The following AGRN variants were observed in gnomAD, a reference collection of about 807,000 sequenced individuals.
The protein encoded by AGRN is agrin proteoglycan.
In AGRN, 106 loss-of-function variants were observed where a neutral mutation model predicts 211.0. The ratio of observed to expected loss-of-function variants is 0.50; its 90% CI spans 0.43 to 0.59. The LOEUF (loss-of-function observed/expected upper bound fraction) is 0.59, where lower values mean the gene tolerates loss of function less well. AGRN is among the 20% of genes least tolerant of loss of function. The pLI is 0.00. For missense variants in AGRN, 3,040 were observed against 2,982.6 expected, an observed-to-expected ratio of 1.02 and a Z score of -0.45; for synonymous variants, 1,525 against 1,332.5, an observed-to-expected ratio of 1.14 and a Z score of -3.15.
rs113521698 is a variant in AGRN, at chr1:1,048,545, C to A, written c.4105+180C>A. Reference sequence around the variant, plus strand: ...CAGCACTTTGGGAGGCCGAGGCAGGCGGATCACCTGAGGTCGGGAGTTCGA... The same window carrying A: ...CAGCACTTTGGGAGGCCGAGGCAGGAGGATCACCTGAGGTCGGGAGTTCGA... On this transcript the variant is annotated intron_variant, in intron 23 of 35. Coordinates refer to ENST00000379370, the MANE Select transcript of AGRN (RefSeq NM_198576.4). The surrounding 1 kb of genome is among the most constrained non-coding windows in gnomAD (Gnocchi z 5.9). 12,136 of 614,318 alleles carry A rather than the reference C, an allele frequency of 0.02. 1,028 individuals carry two copies. Among genetic ancestry groups the A allele is most frequent in the African/African-American group, 0.19 (10,341 of 53,074 alleles). The allele number at this position is 614,318 out of a possible 1,614,324, so 38.1% of individuals were successfully genotyped here.
At chr1:1,039,885 G>A (rs890626837) in intron 3 of AGRN, among the ~76,000 whole-genome samples, 4 of 152,132 alleles carry the variant, frequency 2.6e-5, no homozygotes, top group Non-Finnish European at 5.9e-5. Context: ...GAAGGGCACA[G>A]GCCTGCCGCG....
At chr1:1,025,725 C>T (rs190257562) in intron 2 of AGRN, among the ~76,000 whole-genome samples, 2,051 of 152,208 alleles carry the variant, frequency 0.013, 14 homozygotes, top group Non-Finnish European at 0.022. Context: ...GGGGGTCTGC[C>T]GGGTGGGAGG....
chr1:1,038,933 GGAAGGCC>G (rs1235746701), intron 3 of AGRN, among the ~76,000 whole-genome samples: 1 of 152,178 alleles, frequency 6.6e-6, no homozygotes, highest in Non-Finnish European at 1.5e-5. Context: ...CCAGGACGGG[GGAAGGCC>G]AGTGGTGATG....
At chr1:1,034,513 C>T (rs111240621) in intron 2 of AGRN, 3 of 985,850 alleles carry the variant, frequency 3.0e-6, no homozygotes, top group East Asian at 2.3e-4. Flanking sequence ...CGTGAGGAGC[C>T]CCCACGCTCT....
At position 1,048,971 on chromosome 1, in the gene AGRN, G is replaced by C; in HGVS notation, c.4210G>C (p.Glu1404Gln). ...CCTGGCACTGGAATTCCGGGCGCTG[G>C]AGCCTCAGGGGCTGCTGCTGTACAA... is the stretch of plus-strand genomic sequence containing the variant. ...LRLALEFRAL[E>Q]PQGLLLYNGN... Residue 1404 changes from glutamate to glutamine, a missense_variant, in exon 24 of 36, where the codon GAG (glutamate) becomes CAG (glutamine). By Grantham distance (29) the Glu-to-Gln change is conservative. Coordinates refer to ENST00000379370, the MANE Select transcript of AGRN (RefSeq NM_198576.4). The surrounding 1 kb of genome is among the most constrained non-coding windows in gnomAD (Gnocchi z 5.9). 1 of 1,575,898 alleles carries C rather than the reference G, an allele frequency of 6.3e-7. No homozygotes were observed.
intron 1 of AGRN, 40 bp downstream of exon 1, chr1:1,020,413 G>A (rs1222565382): frequency 2.0e-6 from 3 of 1,476,564 alleles, no homozygotes; most frequent in East Asian, 3.0e-5. Context: ...CGCGACGCCT[G>A]CCGCCCCGCC....
Position 1,041,358 on chromosome 1 carries a change from C to T in AGRN, c.913C>T (p.Arg305Cys), listed in dbSNP as rs1478802877. 3 of 1,534,644 alleles carry T rather than the reference C, an allele frequency of 2.0e-6. No homozygotes were observed. Among genetic ancestry groups the T allele is most frequent in the African/African-American group, 1.4e-5 (1 of 72,906 alleles). ...CCAGCTCCTGCGCCGCGCCTGCGCCCGCCAGGAGAATGTCTTCAAGAAGTT... is the reference window on the plus strand; with the variant it reads ...CCAGCTCCTGCGCCGCGCCTGCGCCTGCCAGGAGAATGTCTTCAAGAAGTT... ...ECQLLRRACARQENVFKKFDG... is the reference protein window; with the variant it reads ...ECQLLRRACACQENVFKKFDG... Residue 305 changes from arginine to cysteine, a missense_variant, in exon 5 of 36, where the codon CGC (arginine) becomes TGC (cysteine). Around this residue, in one of 3 missense-constraint regions of AGRN, gnomAD observed 1,498 missense variants for 1,457.8 expected, o/e 1.03. Coordinates refer to ENST00000379370, the MANE Select transcript of AGRN (RefSeq NM_198576.4).
Position 1,048,131 on chromosome 1 carries a change from C to T in AGRN, c.3871C>T (p.Pro1291Ser). ...TGCTGTGACCCCTCGGGCCCCGCAC[C>T]CCAGTCACACAAGCCAGCCCGTTGC... Reference protein sequence around the residue: ...SSAVTPRAPHPSHTSQPVAKT... With the variant: ...SSAVTPRAPHSSHTSQPVAKT... Residue 1291 changes from proline to serine, a missense_variant, in exon 23 of 36, where the codon CCC (proline) becomes TCC (serine). Coordinates refer to ENST00000379370, the MANE Select transcript of AGRN (RefSeq NM_198576.4). This position sits in a 1 kb window ranked among gnomAD's most constrained non-coding sequence, Gnocchi z 5.9. 3 of 1,572,462 alleles carry T rather than the reference C, an allele frequency of 1.9e-6. No individual in the cohort carries two copies. The highest frequency in any genetic ancestry group is 2.6e-6 in the Non-Finnish European group (3 of 1,166,668).
Position 1,040,754 on chromosome 1 carries a change from C to A in AGRN, c.601C>A (p.Pro201Thr). 1 of 1,543,314 alleles carries A rather than the reference C, an allele frequency of 6.5e-7. No individual in the cohort carries two copies. The highest frequency in any genetic ancestry group is 8.7e-7 in the Non-Finnish European group (1 of 1,147,348). The change falls in exon 4 of 36, where the codon CCG (proline) becomes ACG (threonine). Residue 201 changes from proline to threonine, a missense_variant. Pro to Thr is a conservative substitution (Grantham distance 38). This residue lies in a region of AGRN where 1,498 missense variants were observed against 1,457.8 expected (regional missense o/e 1.03). Coordinates refer to ENST00000379370, the MANE Select transcript of AGRN (RefSeq NM_198576.4). ...GRASCVCKKSPCPSVVAPVCG... is the reference protein window; with the variant it reads ...GRASCVCKKSTCPSVVAPVCG... ...GGCGTCCTGCGTCTGCAAGAAGAGC[C>A]CGTGCCCCAGCGTGGTGGCGCCTGT... is the stretch of plus-strand genomic sequence containing the variant.
intron 3 of AGRN, among the ~76,000 whole-genome samples, chr1:1,036,711 C>T (rs891168617): frequency 6.6e-5 from 10 of 152,136 alleles, no homozygotes; most frequent in African/African-American, 1.9e-4. Flanking sequence ...CTCCAACACC[C>T]GCCCCCCAAC....
Position 1,047,764 on chromosome 1 carries a change from C to T in AGRN, c.3632-12C>T. 6 of 1,609,300 alleles carry T rather than the reference C, an allele frequency of 3.7e-6. No individual in the cohort carries two copies. The highest frequency in any genetic ancestry group is 1.1e-5 in the South Asian group (1 of 90,754). ...TGGGGCTCTGCCATGCTCAGAGCTCCCTCCTCCCCAGCCACAGCCTTCAGG... is the reference window on the plus strand; with the variant it reads ...TGGGGCTCTGCCATGCTCAGAGCTCTCTCCTCCCCAGCCACAGCCTTCAGG... On this transcript the variant is annotated splice_polypyrimidine_tract_variant and intron_variant, in intron 21 of 35. Transcript: ENST00000379370.
chr1:1,044,641 G>C (rs144219535), intron 12 of AGRN, among the ~76,000 whole-genome samples: 1 of 152,204 alleles, frequency 6.6e-6, no homozygotes, highest in Non-Finnish European at 1.5e-5. Flanking sequence ...GTCAGTGGGC[G>C]TGCACCAGGC....
intron 3 of AGRN, among the ~76,000 whole-genome samples, chr1:1,037,204 A>G (rs1644823096): frequency 6.6e-6 from 1 of 152,192 alleles, no homozygotes; most frequent in Admixed American, 6.5e-5. Flanking sequence ...ACCACCTGTG[A>G]GCCAGAGGCC....
chr1:1,028,679 G>A (rs1366338538), intron 2 of AGRN, among the ~76,000 whole-genome samples: 5 of 71,746 alleles, frequency 7.0e-5, no homozygotes, highest in African/African-American at 2.0e-4. Flanking sequence ...CCACAGCCAC[G>A]CCACCCTCTC....
At position 1,045,400 on chromosome 1, in the gene AGRN, T is replaced by A. The variant is rs768013965; in HGVS notation, c.2413T>A (p.Cys805Ser). The change falls in exon 14 of 36, where the codon TGT (cysteine) becomes AGT (serine). Residue 805 changes from cysteine to serine, a missense_variant. By Grantham distance (112) the Cys-to-Ser change is moderately radical (BLOSUM62 -1). Around this residue, in one of 3 missense-constraint regions of AGRN, gnomAD observed 1,498 missense variants for 1,457.8 expected, o/e 1.03. Coordinates refer to ENST00000379370, the MANE Select transcript of AGRN (RefSeq NM_198576.4). ...CCCCCATGGCTCTTACGGCGGCACC[T>A]GTGACCCAGCCACAGGCCAGTGCTC... ...CNPHGSYGGT[C>S]DPATGQCSCR... 2 of 1,611,072 alleles carry A rather than the reference T, an allele frequency of 1.2e-6. No individual in the cohort carries two copies. Among genetic ancestry groups the A allele is most frequent in the South Asian group, 2.2e-5 (2 of 91,056 alleles).
In AGRN at chr1:1,051,355, G is replaced by A. The variant is rs1465854082; in HGVS notation, c.5356G>A (p.Gly1786Ser). 1.9e-6 allele frequency: 3 copies of A among 1,566,152 alleles called. No homozygotes were observed. Among genetic ancestry groups the A allele is most frequent in the African/African-American group, 1.3e-5 (1 of 74,346 alleles). ...TGCTGCCGTGTCCTCTGGCTTCGAC[G>A]GTGCCATCCAGCTGGTATGTGGGGG... ...RAAAVSSGFD[G>S]AIQLVSLGGR... The change falls in exon 31 of 36, where the codon GGT becomes AGT. Residue 1786 changes from glycine to serine, a missense_variant. Coordinates refer to ENST00000379370, the MANE Select transcript of AGRN (RefSeq NM_198576.4).
At chr1:1,033,031 G>C (rs888878385) in intron 2 of AGRN, among the ~76,000 whole-genome samples, 1 of 152,124 alleles carries the variant, frequency 6.6e-6, no homozygotes, top group Admixed American at 6.5e-5. Flanking sequence ...AGGAGTCCCA[G>C]ATGGGCCCAG....
rs758527698 is a variant in AGRN, at chr1:1,044,215, G to A, written c.2106G>A (p.Pro702=). ...GGGACGAGGACTCGGAGGACGGGCC[G>A]TGTGTCTGTGACTTCAGCTGCCAGA... The part of the protein sequence containing the change: ...GIWDEDSEDG[P]CVCDFSCQSV... Residue 702 remains proline (P), a synonymous_variant, in exon 11 of 36, where the codon CCG becomes CCA. Coordinates refer to ENST00000379370, the MANE Select transcript of AGRN (RefSeq NM_198576.4). 1.3e-5 allele frequency: 21 copies of A among 1,613,060 alleles called. No homozygotes were observed. The highest frequency in any genetic ancestry group is 2.7e-5 in the African/African-American group (2 of 75,018).
At chr1:1,025,024 TCCCAG>T (rs1284216646) in intron 2 of AGRN, among the ~76,000 whole-genome samples, 1 of 151,828 alleles carries the variant, frequency 6.6e-6, no homozygotes, top group Admixed American at 6.5e-5. Context: ...GCCCATGCCC[TCCCAG>T]CCCACCTCAC....
Sources: gnomAD v4.1 joint callset for allele counts (sites outside exome capture counted in the v4.1 genomes callset) on GRCh38, gnomAD v4.1.1 for gene constraint, gnomAD v4.1.1 regional missense constraint, Gnocchi (gnomAD v3.1) non-coding constraint, MANE v1.5 for transcripts, NCBI Gene and HGNC (gene_info 2026-07-23, HGNC 2026-07-21) for gene names.